FSTL1: variants seen among roughly 807,000 people sequenced by gnomAD.
FSTL1 encodes the protein follistatin like 1.
In FSTL1, 24 loss-of-function variants were observed where a neutral mutation model predicts 45.9. The ratio of observed to expected loss-of-function variants is 0.52; its 90% CI spans 0.38 to 0.74. The LOEUF (loss-of-function observed/expected upper bound fraction) is 0.74, where lower values mean the gene tolerates loss of function less well. Among genes scored for constraint, FSTL1 ranks in the 30% least tolerant of loss-of-function variants. The probability of loss-of-function intolerance (pLI) is 0.00; values close to 1 mark genes in which losing one functional copy is unlikely to be tolerated. For synonymous variants in FSTL1, 120 were observed against 137.6 expected (o/e 0.87, Z 0.89); for missense variants, 340 against 381.8 (o/e 0.89, Z 0.91).
At chr3:120,434,424 CT>C (rs1269889235) in intron 2 of FSTL1, among the ~76,000 whole-genome samples, 25 of 152,130 alleles carry the variant, frequency 1.6e-4, no homozygotes, top group Non-Finnish European at 3.2e-4. Flanking sequence ...CCTGAGGAAA[CT>C]TAGTTTATGA....
chr3:120,409,427 GC>G, intron 6 of FSTL1, 104 bp downstream of exon 6: 1 of 1,015,260 alleles, frequency 9.8e-7, no homozygotes, highest in Non-Finnish European at 1.5e-6. Flanking sequence ...GGGTGTCTGT[GC>G]AGGTTTACAT....
At chr3:120,405,225 C>T (rs1389212280) in intron 6 of FSTL1, among the ~76,000 whole-genome samples, 1 of 152,198 alleles carries the variant, frequency 6.6e-6, no homozygotes, top group Non-Finnish European at 1.5e-5. Flanking sequence ...GGTCCCTAAG[C>T]ATGCTGTGTG....
At chr3:120,412,812 A>G (rs1937086201) in intron 3 of FSTL1, among the ~76,000 whole-genome samples, 1 of 103,102 alleles carries the variant, frequency 9.7e-6, no homozygotes, top group Non-Finnish European at 2.0e-5. Context: ...GCAAACACAC[A>G]CACATGTGCG....
At chr3:120,436,062 T>TA (rs35022337) in intron 2 of FSTL1, among the ~76,000 whole-genome samples, 85,248 of 146,796 alleles carry the variant, frequency 0.58, 27,266 homozygotes, top group East Asian at 0.75. Flanking sequence ...TTTATTTTTG[T>TA]AAAAAAAAAA....
intron 2 of FSTL1, among the ~76,000 whole-genome samples, chr3:120,446,338 C>T (rs1219636225): frequency 6.6e-6 from 1 of 152,222 alleles, no homozygotes; most frequent in Non-Finnish European, 1.5e-5. Context: ...CATGGTTCCT[C>T]TCCAACTTGC....
chr3:120,401,928 C>A (rs1450365633), intron 9 of FSTL1, among the ~76,000 whole-genome samples: 1 of 152,190 alleles, frequency 6.6e-6, no homozygotes, highest in Non-Finnish European at 1.5e-5. Context: ...TTCCAAATGA[C>A]CTTAAGGCAA....
At position 120,400,878 on chromosome 3, in the gene FSTL1, G is replaced by T. The variant is rs544488612; in HGVS notation, c.806-919C>A. The stretch of plus-strand genomic sequence containing the variant: ...GGGGCACCACCATCTAACATGGGTT[G>T]CTCCATGTTATACCCACATAGAGTT... On this transcript the variant is annotated intron_variant, in intron 9 of 10. Coordinates refer to ENST00000295633, the MANE Select transcript of FSTL1 (RefSeq NM_007085.5). 6.6e-5 allele frequency among the ~76,000 whole-genome samples: 10 copies of T among 152,312 alleles called. No individual in the cohort carries two copies. The East Asian group carries it at 1.5e-3, about 24-fold the overall frequency.
At chr3:120,403,920 C>CAAAAAAAAAAAAAAAAAAA (rs34145564) in intron 7 of FSTL1, among the ~76,000 whole-genome samples, 1 of 52,146 alleles carries the variant, frequency 1.9e-5, no homozygotes, top group Non-Finnish European at 3.2e-5. Flanking sequence ...GACTCCGTCT[C>CAAAAAAAAAAAAAAAAAAA]AAAAAAAAAA....
intron 2 of FSTL1, chr3:120,423,047 C>T (rs1195274173): frequency 6.6e-6 from 1 of 152,194 alleles, no homozygotes; most frequent in Non-Finnish European, 1.5e-5. Flanking sequence ...TAGCCTCTAT[C>T]ACAGCTTATG....
At chr3:120,431,783 T>A (rs1207879211) in intron 2 of FSTL1, among the ~76,000 whole-genome samples, 1 of 152,130 alleles carries the variant, frequency 6.6e-6, no homozygotes, top group African/African-American at 2.4e-5. Flanking sequence ...ACTTTTCAAG[T>A]GGTGTATAAC....
chr3:120,416,612 C>G (rs1559738578), intron 2 of FSTL1, among the ~76,000 whole-genome samples: 1 of 152,144 alleles, frequency 6.6e-6, no homozygotes, highest in Non-Finnish European at 1.5e-5. Context: ...ATCTGAAGGA[C>G]CCAAACCTGA....
intron 8 of FSTL1, 105 bp from the exon 9 acceptor site, chr3:120,403,023 C>A: frequency 2.5e-6 from 2 of 812,390 alleles, no homozygotes; most frequent in Non-Finnish European, 4.4e-6. Context: ...CAAGACCTGC[C>A]TGTCCCTCAG....
intron 5 of FSTL1, 86 bp downstream of exon 5, chr3:120,410,866 T>A (rs1421285747): frequency 1.9e-6 from 2 of 1,034,872 alleles, no homozygotes; most frequent in Admixed American, 1.7e-5. Context: ...TCTTATGAGC[T>A]TGGCAGGGAT....
At chr3:120,447,045 G>A (rs566039669) in intron 2 of FSTL1, among the ~76,000 whole-genome samples, 2 of 152,280 alleles carry the variant, frequency 1.3e-5, no homozygotes, top group African/African-American at 4.8e-5. Context: ...GAGAGTGGGG[G>A]TATGCTTGGG....
intron 2 of FSTL1, among the ~76,000 whole-genome samples, chr3:120,428,263 G>A (rs182033700): frequency 1.2e-4 from 19 of 152,320 alleles, no homozygotes; most frequent in African/African-American, 4.3e-4. Context: ...GTGTGCCCAC[G>A]TGGTTTATCT....
chr3:120,437,575 T>C (rs1229080993), intron 2 of FSTL1, among the ~76,000 whole-genome samples: 1 of 152,196 alleles, frequency 6.6e-6, no homozygotes, highest in Non-Finnish European at 1.5e-5. Context: ...TATTTGTGTG[T>C]GTGTGTGCAT....
chr3:120,402,224 G>A (rs557590615), intron 9 of FSTL1, among the ~76,000 whole-genome samples: 1 of 152,220 alleles, frequency 6.6e-6, no homozygotes, highest in East Asian at 1.9e-4. Context: ...TTGAAAGAGG[G>A]TCTACAAACA....
rs146086259 is a variant in FSTL1, at chr3:120,429,218, A to T, written c.64-13191T>A. ...ACATCAAGGGCTCCCTTCAGAGGGC[A>T]TCCAAAGGAAGGAATGAGGAACTCT... On this transcript the variant is annotated intron_variant, in intron 2 of 10. Transcript: ENST00000295633. 5.7e-3 allele frequency among the ~76,000 whole-genome samples: 874 copies of T among 152,318 alleles called. 7 individuals carry two copies. Among genetic ancestry groups the T allele is most frequent in the African/African-American group, 0.019 (801 of 41,564 alleles).
intron 2 of FSTL1, chr3:120,438,575 A>C (rs1937594693): frequency 6.6e-6 from 1 of 152,234 alleles, no homozygotes; most frequent in African/African-American, 2.4e-5. Flanking sequence ...GTAAATCACC[A>C]TAAGAGTTAA....
Sources: gnomAD v4.1 joint callset for allele counts (sites outside exome capture counted in the v4.1 genomes callset) on GRCh38, gnomAD v4.1.1 for gene constraint, MANE v1.5 for transcripts, NCBI Gene and HGNC (gene_info 2026-07-23, HGNC 2026-07-21) for gene names.